RAD51B: variants seen among roughly 807,000 people sequenced by gnomAD.
RAD51B encodes the protein RAD51 paralog B.
Under a neutral mutation model 42.2 loss-of-function variants are expected in RAD51B, and 38 were observed. That is an observed-to-expected ratio of 0.90 (90% confidence interval 0.70 to 1.18). The LOEUF is 1.18. Ranked by LOEUF, RAD51B falls within the 50% of genes most tolerant of loss-of-function variation. The pLI is 0.00. For synonymous variants in RAD51B, 154 were observed against 145.2 expected (o/e 1.06, Z -0.43); for missense variants, 373 against 400.7 (o/e 0.93, Z 0.59).
chr14:67,830,216 T>C (rs760792003), intron 3 of RAD51B, among the ~76,000 whole-genome samples: 5 of 152,128 alleles, frequency 3.3e-5, no homozygotes, highest in Non-Finnish European at 7.4e-5. Context: ...TAAAAGGGTA[T>C]ACTGTAATAT....
intron 7 of RAD51B, among the ~76,000 whole-genome samples, chr14:68,141,694 C>T (rs1290080755): frequency 6.6e-6 from 1 of 151,980 alleles, no homozygotes; most frequent in Non-Finnish European, 1.5e-5. Flanking sequence ...AATCTTATTT[C>T]GACACAACAA....
exon 11 of RAD51B, chr14:68,594,995 G>C (rs1038014050): frequency 2.0e-5 from 21 of 1,076,688 alleles, no homozygotes; most frequent in Non-Finnish European, 2.4e-5. Flanking sequence ...ATTTCTTGAG[G>C]CTGAGACAAA....
At chr14:68,387,687 G>A (rs1033022271) in intron 8 of RAD51B, among the ~76,000 whole-genome samples, 4 of 152,174 alleles carry the variant, frequency 2.6e-5, no homozygotes, top group Non-Finnish European at 5.9e-5. Flanking sequence ...CTGACTCAAA[G>A]AAGAGATGGA....
At chr14:68,648,013 ATATATATACG>A (rs1182668264) in intron 10 of RAD51B, among the ~76,000 whole-genome samples, 1 of 97,850 alleles carries the variant, frequency 1.0e-5, no homozygotes, top group Non-Finnish European at 2.1e-5. Flanking sequence ...GCATATATAT[ATATATATACG>A]TATATATATA....
intron 7 of RAD51B, among the ~76,000 whole-genome samples, chr14:68,105,162 G>A (rs1353692106): frequency 1.3e-5 from 2 of 150,592 alleles, no homozygotes; most frequent in East Asian, 1.9e-4. Context: ...AGGTCTATTC[G>A]GAGATAGCAA....
At chr14:68,447,536 T>C (rs1312610895) in intron 9 of RAD51B, among the ~76,000 whole-genome samples, 1 of 152,110 alleles carries the variant, frequency 6.6e-6, no homozygotes, top group Non-Finnish European at 1.5e-5. Flanking sequence ...TTCTGGCTTA[T>C]AAGGCTCTTT....
chr14:68,142,324 A>G (rs992427504), intron 7 of RAD51B, among the ~76,000 whole-genome samples: 2 of 152,170 alleles, frequency 1.3e-5, no homozygotes, highest in African/African-American at 2.4e-5. Context: ...AGACTCTTTT[A>G]AGCCCTTTAA....
chr14:67,948,931 CAA>C (rs59465805), intron 7 of RAD51B, among the ~76,000 whole-genome samples: 398 of 16,910 alleles, frequency 0.024, no homozygotes, highest in Non-Finnish European at 0.035. Flanking sequence ...GACTCTGTCT[CAA>C]AAAAAAAAAA....
intron 10 of RAD51B, among the ~76,000 whole-genome samples, chr14:68,538,629 CTT>C (rs111736571): frequency 7.1e-6 from 1 of 141,320 alleles, no homozygotes; most frequent in Non-Finnish European, 1.6e-5. Context: ...TAGCACACCG[CTT>C]TTTTTTTTTT....
intron 11 of RAD51B, among the ~76,000 whole-genome samples, chr14:68,682,763 G>A (rs73278132): frequency 0.014 from 2,087 of 152,030 alleles, 53 homozygotes; most frequent in African/African-American, 0.047. Context: ...AAGAAGATTC[G>A]CATGTCGTGA....
chr14:68,087,960 T>C (rs1478271114), intron 7 of RAD51B, among the ~76,000 whole-genome samples: 1 of 115,032 alleles, frequency 8.7e-6, no homozygotes, highest in Non-Finnish European at 1.6e-5. Context: ...TATAATTATA[T>C]AATTTATTAT....
intron 7 of RAD51B, among the ~76,000 whole-genome samples, chr14:67,976,886 T>A (rs946385210): frequency 4.0e-5 from 6 of 151,804 alleles, no homozygotes; most frequent in Non-Finnish European, 7.4e-5. Flanking sequence ...ACAAACAACC[T>A]CATCAACAAG....
In RAD51B at chr14:68,126,599, C is replaced by G. The variant is rs74848255; in HGVS notation, c.757-165285C>G. Among the ~76,000 whole-genome samples the G allele has an allele frequency of 6.8e-3, 1,043 of 152,304 alleles. 9 individuals are homozygous for G. The highest frequency in any genetic ancestry group is 0.022 in the African/African-American group (910 of 41,564). On this transcript the variant is annotated intron_variant, in intron 7 of 10. Coordinates refer to ENST00000471583, the MANE Select transcript of RAD51B (RefSeq NM_133510.4). Reference sequence around the variant, plus strand: ...AGAGACTGTGCAGTGACTTACTTGACAGCAGAGGTGCTTTTTACTTCCTTA... The same window carrying G: ...AGAGACTGTGCAGTGACTTACTTGAGAGCAGAGGTGCTTTTTACTTCCTTA...
chr14:68,679,521 C>T (rs768982048), intron 11 of RAD51B, among the ~76,000 whole-genome samples: 2 of 152,234 alleles, frequency 1.3e-5, no homozygotes, highest in African/African-American at 2.4e-5. Flanking sequence ...ACTTTCCCCT[C>T]AACCTCAGTT....
intron 7 of RAD51B, among the ~76,000 whole-genome samples, chr14:67,930,597 T>C (rs923505921): frequency 1.1e-4 from 17 of 152,172 alleles, no homozygotes; most frequent in African/African-American, 4.1e-4. Flanking sequence ...TGACTAGACA[T>C]TTTCCTCTTG....
chr14:67,911,667 A>G (rs2043983585), intron 7 of RAD51B, among the ~76,000 whole-genome samples: 1 of 152,164 alleles, frequency 6.6e-6, no homozygotes, highest in South Asian at 2.1e-4. Flanking sequence ...TTTAGATGAA[A>G]CCTAAAACTG....
intron 8 of RAD51B, among the ~76,000 whole-genome samples, chr14:68,391,526 A>G (rs1366591055): frequency 6.6e-6 from 1 of 152,190 alleles, no homozygotes; most frequent in Non-Finnish European, 1.5e-5. Context: ...TTAACTTCCC[A>G]GAAAGAAGGT....
At chr14:68,198,979 G>A (rs1249555829) in intron 7 of RAD51B, among the ~76,000 whole-genome samples, 4 of 152,156 alleles carry the variant, frequency 2.6e-5, no homozygotes, top group Admixed American at 1.3e-4. Context: ...TCTGCCCTTT[G>A]GAGTCATGGA....
chr14:68,516,346 T>G (rs1886151893), intron 10 of RAD51B, among the ~76,000 whole-genome samples: 2 of 152,200 alleles, frequency 1.3e-5, no homozygotes, highest in South Asian at 2.1e-4. Flanking sequence ...AAAAATAACT[T>G]TTTTAAAAAA....
Sources: gnomAD v4.1 joint callset for allele counts (sites outside exome capture counted in the v4.1 genomes callset) on GRCh38, gnomAD v4.1.1 for gene constraint, MANE v1.5 for transcripts, NCBI Gene and HGNC (gene_info 2026-07-23, HGNC 2026-07-21) for gene names.